ALKBH5: variants seen among roughly 807,000 people sequenced by gnomAD.
The protein encoded by ALKBH5 is alkB homolog 5, RNA demethylase.
A neutral mutation model predicts 32.1 loss-of-function variants in ALKBH5; 2 were observed. That is an observed-to-expected ratio of 0.06 (90% CI 0.03 to 0.20). ALKBH5 has a LOEUF of 0.20. ALKBH5 is among the 10% of genes least tolerant of loss of function. The pLI is 1.00. For synonymous variants in ALKBH5, 300 were observed against 231.7 expected (o/e 1.29, Z -2.68); for missense variants, 352 against 559.5 (o/e 0.63, Z 3.74).
At chr17:18,196,685 A>G (rs1226279569) in intron 2 of ALKBH5, among the ~76,000 whole-genome samples, 1 of 152,214 alleles carries the variant, frequency 6.6e-6, no homozygotes, top group African/African-American at 2.4e-5. Context: ...CATCTGGCCA[A>G]TGCACTGTCA....
intron 2 of ALKBH5, among the ~76,000 whole-genome samples, chr17:18,195,483 G>A: frequency 6.6e-6 from 1 of 152,226 alleles, no homozygotes; most frequent in South Asian, 2.1e-4. Context: ...AGACAAGGGT[G>A]GGAGGTTAGG....
At chr17:18,207,496 A>G (rs1371186115) in intron 3 of ALKBH5, among the ~76,000 whole-genome samples, 1 of 152,082 alleles carries the variant, frequency 6.6e-6, no homozygotes, top group Non-Finnish European at 1.5e-5. Context: ...CCCCGTCTCT[A>G]CTAAAAAATA....
chr17:18,193,210 A>G (rs1370072589), intron 1 of ALKBH5, among the ~76,000 whole-genome samples: 1 of 147,066 alleles, frequency 6.8e-6, no homozygotes, highest in African/African-American at 2.5e-5. Flanking sequence ...AATTTTGAAA[A>G]ATTCTTGTCT....
At position 18,208,494 on chromosome 17, in the gene ALKBH5, GTTTTTT is replaced by G. The variant is rs1597844240; in HGVS notation, c.*99_*104del. 1.9e-6 allele frequency: 1 copy of G among 512,880 alleles called. No individual in the cohort carries two copies. Among genetic ancestry groups the G allele is most frequent in the Non-Finnish European group, 3.1e-6 (1 of 322,276 alleles). The allele number at this position is 512,880 out of a possible 1,614,324, so 31.8% of individuals were successfully genotyped here. A position where few individuals can be genotyped will look rare whatever the true frequency, so the allele number is the denominator to read the frequency against. The stretch of plus-strand genomic sequence containing the variant: ...TGTTTTTGTTCATTGGGGGGTTTTT[GTTTTTT>G]GTTTTTTGTTTTTTTTGATTCTATA... On this transcript the variant is annotated 3_prime_UTR_variant, in exon 4 of 4. Transcript: ENST00000399138.
intron 2 of ALKBH5, among the ~76,000 whole-genome samples, chr17:18,196,760 A>G: frequency 6.6e-6 from 1 of 152,322 alleles, no homozygotes; most frequent in South Asian, 2.1e-4. Flanking sequence ...GGAAGTCACC[A>G]TGCATGCCCA....
At chr17:18,199,394 ATAAT>A (rs1317491855) in intron 2 of ALKBH5, among the ~76,000 whole-genome samples, 1 of 152,226 alleles carries the variant, frequency 6.6e-6, no homozygotes, top group Non-Finnish European at 1.5e-5. Context: ...CTGGGGTATA[ATAAT>A]TCATCTGTGA....
At chr17:18,203,449 C>T (rs1488964186) in intron 2 of ALKBH5, among the ~76,000 whole-genome samples, 1 of 152,240 alleles carries the variant, frequency 6.6e-6, no homozygotes, top group African/African-American at 2.4e-5. Context: ...CCTGCTTTGT[C>T]CTGACACGGT....
chr17:18,184,952 A>G lies in ALKBH5; in HGVS notation c.709A>G (p.Ile237Val), dbSNP rs761113226. Residue 237 changes from isoleucine (I) to valine (V), a missense_variant, in exon 1 of 4, where the codon ATT becomes GTT. Around this residue, in one of 4 missense-constraint regions of ALKBH5, gnomAD observed 56 missense variants for 238.1 expected, o/e 0.24. Transcript: ENST00000399138. ...CGGCTGCAAGTTCCAGTTCAAGCCT[A>G]TTCGGGTGTCGGAACCAGTGCTTTC... Reference protein sequence around the residue: ...CFGCKFQFKPIRVSEPVLSLP... With the variant: ...CFGCKFQFKPVRVSEPVLSLP... 1 of 1,613,888 alleles carries G rather than the reference A, an allele frequency of 6.2e-7. No homozygotes were observed. The highest frequency in any genetic ancestry group is 8.5e-7 in the Non-Finnish European group (1 of 1,180,036).
chr17:18,203,389 C>T (rs1205479779), intron 2 of ALKBH5, among the ~76,000 whole-genome samples: 1 of 152,236 alleles, frequency 6.6e-6, no homozygotes, highest in Admixed American at 6.5e-5. Context: ...CCCTTCCCTT[C>T]GGTTCACACT....
At position 18,209,926 on chromosome 17, in the gene ALKBH5, A is replaced by G. The variant is rs1401379620; in HGVS notation, c.*1530A>G. 1.3e-5 allele frequency: 2 copies of G among 152,694 alleles called. No homozygotes were observed. Among genetic ancestry groups the G allele is most frequent in the Admixed American group, 6.5e-5 (1 of 15,292 alleles). 9.5% of individuals were successfully genotyped at this position (152,694 alleles called of 1,614,324 possible). On this transcript the variant is annotated 3_prime_UTR_variant, in exon 4 of 4. Transcript: ENST00000399138. ...TTCGCCCTGATATGTGTGCTCTACA[A>G]TAAAAACCAAATCTAATATATTTTG...
At chr17:18,207,740 A>G (rs1424451192) in intron 3 of ALKBH5, among the ~76,000 whole-genome samples, 2 of 152,174 alleles carry the variant, frequency 1.3e-5, no homozygotes, top group African/African-American at 4.8e-5. Flanking sequence ...CAGAAGGATA[A>G]GGAAGACATG....
At chr17:18,208,168 G>A (rs1455757000) in intron 3 of ALKBH5, 51 bp from the exon 4 acceptor site, 1 of 1,553,168 alleles carries the variant, frequency 6.4e-7, no homozygotes, top group Admixed American at 1.9e-5. Flanking sequence ...GGTAAAGCCA[G>A]GCGCCTCCTG....
Position 18,208,575 on chromosome 17 carries a change from C to G in ALKBH5, c.*179C>G. The G allele has an allele frequency of 1.3e-6, 1 of 773,634 alleles. No homozygotes were observed. The highest frequency in any genetic ancestry group is 2.2e-6 in the Non-Finnish European group (1 of 459,896). 47.9% of individuals were successfully genotyped at this position (773,634 alleles called of 1,614,324 possible). ...GTTAGGGCTGAAGAATAGAATTGGCCAGGACCTAGGTTCTCATATTCTTGG... is the reference window on the plus strand; with the variant it reads ...GTTAGGGCTGAAGAATAGAATTGGCGAGGACCTAGGTTCTCATATTCTTGG... On this transcript the variant is annotated 3_prime_UTR_variant, in exon 4 of 4. Coordinates refer to ENST00000399138, the MANE Select transcript of ALKBH5 (RefSeq NM_017758.4).
At chr17:18,191,348 G>T (rs1157456112) in intron 1 of ALKBH5, among the ~76,000 whole-genome samples, 1 of 152,152 alleles carries the variant, frequency 6.6e-6, no homozygotes, top group Admixed American at 6.5e-5. Context: ...TTCCAGGTTG[G>T]GTCAGTGCCA....
rs1355580421 is a variant in ALKBH5 at position 18,206,906 on chromosome 17, A to T, written c.943A>T (p.Asn315Tyr). The change falls in exon 3 of 4, where the codon AAC becomes TAC. Residue 315 changes from asparagine (N) to tyrosine (Y), a missense_variant. Coordinates refer to ENST00000399138, the MANE Select transcript of ALKBH5 (RefSeq NM_017758.4). ...TGCTTCAGATCGCCTGTCAGGAAAC[A>T]ACAGGGACCCTGCTCTGAAACCCAA... is the stretch of plus-strand genomic sequence containing the variant. Reference protein sequence around the residue: ...SYASDRLSGNNRDPALKPKRS... With the variant: ...SYASDRLSGNYRDPALKPKRS... 6.2e-7 allele frequency: 1 copy of T among 1,614,130 alleles called. No individual in the cohort carries two copies. Among genetic ancestry groups the T allele is most frequent in the African/African-American group, 1.3e-5 (1 of 74,946 alleles).
intron 1 of ALKBH5, among the ~76,000 whole-genome samples, chr17:18,194,520 A>G (rs985630822): frequency 6.6e-5 from 10 of 152,158 alleles, no homozygotes; most frequent in African/African-American, 2.4e-4. Flanking sequence ...TGGAGACTTC[A>G]TGTAGATATT....
At chr17:18,203,831 T>C (rs911643070) in intron 2 of ALKBH5, among the ~76,000 whole-genome samples, 2 of 152,090 alleles carry the variant, frequency 1.3e-5, no homozygotes, top group Non-Finnish European at 2.9e-5. Context: ...TTATGAGATG[T>C]ACTTATAACA....
chr17:18,191,399 A>G (rs928091339), intron 1 of ALKBH5, among the ~76,000 whole-genome samples: 4 of 152,072 alleles, frequency 2.6e-5, no homozygotes. Context: ...CCTCCATACT[A>G]GTTCTTCCAA....
chr17:18,189,739 A>G (rs2047162438), intron 1 of ALKBH5, among the ~76,000 whole-genome samples: 1 of 152,198 alleles, frequency 6.6e-6, no homozygotes, highest in Non-Finnish European at 1.5e-5. Flanking sequence ...TAATGATGCT[A>G]TAGAGTTGTT....
Sources: gnomAD v4.1 joint callset for allele counts (sites outside exome capture counted in the v4.1 genomes callset) on GRCh38, gnomAD v4.1.1 for gene constraint, gnomAD v4.1.1 regional missense constraint, MANE v1.5 for transcripts, NCBI Gene and HGNC (gene_info 2026-07-23, HGNC 2026-07-21) for gene names.